PCP4: variants seen among roughly 807,000 people sequenced by gnomAD.
PCP4 encodes calmodulin regulator protein PCP4.
Under a neutral mutation model 10.0 loss-of-function variants are expected in PCP4, and 8 were observed. That is an observed-to-expected ratio of 0.80 (90% CI 0.47 to 1.45). PCP4 has a LOEUF of 1.45. Among genes scored for constraint, PCP4 ranks in the 40% most tolerant of loss-of-function variants. The pLI is 0.00. For missense variants in PCP4, 54 were observed against 74.4 expected (o/e 0.73, Z 1.01); for synonymous variants, 21 against 23.0 (o/e 0.91, Z 0.24).
intron 1 of PCP4, among the ~76,000 whole-genome samples, chr21:39,885,221 T>C (rs1018498738): frequency 6.6e-6 from 1 of 152,196 alleles, no homozygotes; most frequent in Non-Finnish European, 1.5e-5. Flanking sequence ...TCTGTCCTGC[T>C]CCTTCTCAAA....
chr21:39,880,158 C>CTATATCTA (rs1247097326), intron 1 of PCP4, among the ~76,000 whole-genome samples: 11 of 150,154 alleles, frequency 7.3e-5, no homozygotes. Flanking sequence ...ATATCTATAT[C>CTATATCTA]TATATCTATA....
intron 1 of PCP4, among the ~76,000 whole-genome samples, chr21:39,888,631 C>T (rs906944587): frequency 6.6e-6 from 1 of 152,222 alleles, no homozygotes; most frequent in Non-Finnish European, 1.5e-5. Context: ...CCCGCTGCCC[C>T]CGATGTCAAT....
intron 2 of PCP4, among the ~76,000 whole-genome samples, chr21:39,908,223 T>C (rs2087522338): frequency 6.6e-6 from 1 of 152,168 alleles, no homozygotes; most frequent in Non-Finnish European, 1.5e-5. Context: ...CAGATCTCTT[T>C]TTTAAGGATG....
chr21:39,885,372 G>C (rs970299407), intron 1 of PCP4, among the ~76,000 whole-genome samples: 2 of 152,328 alleles, frequency 1.3e-5, no homozygotes, highest in South Asian at 2.1e-4. Flanking sequence ...AGGCCCAGCG[G>C]AGCTCCCGGT....
intron 2 of PCP4, among the ~76,000 whole-genome samples, chr21:39,899,021 T>C (rs916343626): frequency 3.9e-5 from 6 of 152,184 alleles, no homozygotes; most frequent in African/African-American, 1.4e-4. Flanking sequence ...ATAAAAATGA[T>C]AGCAGTGACA....
chr21:39,867,746 T>C (rs2146321632), intron 1 of PCP4, among the ~76,000 whole-genome samples: 1 of 152,326 alleles, frequency 6.6e-6, no homozygotes, highest in East Asian at 1.9e-4. Context: ...TGCTTTCTGA[T>C]TGAATGGTGA....
chr21:39,929,315 C>A lies in PCP4; in HGVS notation c.*204C>A. The A allele has an allele frequency of 1.0e-5, 4 of 390,010 alleles. No homozygotes were observed. Among genetic ancestry groups the A allele is most frequent in the Non-Finnish European group, 1.8e-5 (4 of 221,152 alleles). 24.2% of individuals were successfully genotyped at this position (390,010 alleles called of 1,614,324 possible). A position where few individuals can be genotyped will look rare whatever the true frequency, so the allele number is the denominator to read the frequency against. ...AATGGAATTGTGAGTAGCTTAATCTCTATGTTTCTCTCCATTTTCATTCCT... is the reference window on the plus strand; with the variant it reads ...AATGGAATTGTGAGTAGCTTAATCTATATGTTTCTCTCCATTTTCATTCCT... On this transcript the variant is annotated 3_prime_UTR_variant, in exon 3 of 3. Coordinates refer to ENST00000328619, the MANE Select transcript of PCP4 (RefSeq NM_006198.3).
At chr21:39,914,161 A>C (rs934695938) in intron 2 of PCP4, among the ~76,000 whole-genome samples, 3 of 152,262 alleles carry the variant, frequency 2.0e-5, no homozygotes, top group African/African-American at 4.8e-5. Flanking sequence ...TTTTCAACCC[A>C]AGCTGCTCTT....
intron 1 of PCP4, among the ~76,000 whole-genome samples, chr21:39,886,273 A>G (rs2087400269): frequency 1.3e-5 from 2 of 152,082 alleles, no homozygotes; most frequent in South Asian, 4.1e-4. Context: ...ACCTTCTATG[A>G]TATTAATTTT....
At position 39,898,830 on chromosome 21, in the gene PCP4, C is replaced by T. The variant is rs796836224; in HGVS notation, c.61+303C>T. Among the ~76,000 whole-genome samples, 4 of 152,132 alleles carry T rather than the reference C, an allele frequency of 2.6e-5. No individual in the cohort carries two copies. The South Asian group carries it at 8.3e-4, about 32-fold the overall frequency. On this transcript the variant is annotated intron_variant, in intron 2 of 2. Transcript: ENST00000328619. Reference sequence around the variant, plus strand: ...CTTCATTAGGGTGGGTGAGAATCATCCAAGTTGTTGTGAGGATAAAATGAG... The same window carrying T: ...CTTCATTAGGGTGGGTGAGAATCATTCAAGTTGTTGTGAGGATAAAATGAG...
rs1259885286 is a variant in PCP4 at position 39,898,469 on chromosome 21, C to T, written c.10-7C>T. The T allele has an allele frequency of 1.9e-6, 3 of 1,612,418 alleles. No homozygotes were observed. The East Asian group carries it at 6.7e-5, about 36-fold the overall frequency. On this transcript the variant is annotated splice_polypyrimidine_tract_variant and splice_region_variant and intron_variant, in intron 1 of 2. Coordinates refer to ENST00000328619, the MANE Select transcript of PCP4 (RefSeq NM_006198.3). ...AATTGCTTTTTTCTTTTATTTTTTG[C>T]CTTTAGCGACAAGGTGCTGGGGCAA... is the stretch of plus-strand genomic sequence containing the variant.
intron 1 of PCP4, among the ~76,000 whole-genome samples, chr21:39,879,699 C>T (rs1262972507): frequency 6.6e-6 from 1 of 152,160 alleles, no homozygotes; most frequent in African/African-American, 2.4e-5. Context: ...AGAAGTGAGT[C>T]CAGTTAAAAA....
chr21:39,929,209 C>A lies in PCP4; in HGVS notation c.*98C>A. On this transcript the variant is annotated 3_prime_UTR_variant, in exon 3 of 3. Transcript: ENST00000328619. ...ACACCCTAGAGAGAAGTCATCCACA[C>A]ACAATCCACACACGCATAGCAAACC... is the stretch of plus-strand genomic sequence containing the variant. 8.6e-7 allele frequency: 1 copy of A among 1,167,362 alleles called. No homozygotes were observed. The highest frequency in any genetic ancestry group is 1.2e-6 in the Non-Finnish European group (1 of 821,796). The allele number at this position is 1,167,362 out of a possible 1,614,324, so 72.3% of individuals were successfully genotyped here.
At chr21:39,896,549 T>A (rs759818297) in intron 1 of PCP4, among the ~76,000 whole-genome samples, 1 of 152,262 alleles carries the variant, frequency 6.6e-6, no homozygotes, top group South Asian at 2.1e-4. Flanking sequence ...TTACCTGATT[T>A]AAATCATTTT....
intron 1 of PCP4, among the ~76,000 whole-genome samples, chr21:39,878,210 C>G (rs1222488277): frequency 6.6e-6 from 1 of 152,172 alleles, no homozygotes; most frequent in Non-Finnish European, 1.5e-5. Flanking sequence ...TGCCAGGATG[C>G]ATGGGTTAAT....
chr21:39,876,419 C>A (rs1472550358), intron 1 of PCP4, among the ~76,000 whole-genome samples: 3 of 152,144 alleles, frequency 2.0e-5, no homozygotes, highest in Admixed American at 2.0e-4. Flanking sequence ...CTTCAAGGTT[C>A]ATCTATGTTG....
chr21:39,869,393 A>G (rs1039840189), intron 1 of PCP4, among the ~76,000 whole-genome samples: 6 of 152,106 alleles, frequency 3.9e-5, no homozygotes, highest in Non-Finnish European at 8.8e-5. Context: ...CTCTGTAGTC[A>G]CCGCCCCGCC....
At chr21:39,904,127 C>A (rs1485060759) in intron 2 of PCP4, among the ~76,000 whole-genome samples, 1 of 152,116 alleles carries the variant, frequency 6.6e-6, no homozygotes, top group Non-Finnish European at 1.5e-5. Flanking sequence ...GAAGGACTTG[C>A]ATTTATAGGC....
intron 2 of PCP4, among the ~76,000 whole-genome samples, chr21:39,914,589 A>AG (rs1366824133): frequency 4.7e-5 from 7 of 148,962 alleles, no homozygotes; most frequent in Admixed American, 1.3e-4. Context: ...AAAAAAAAAG[A>AG]AAAAAAAAAG....
Sources: allele counts gnomAD v4.1 joint callset (sites outside exome capture counted in the v4.1 genomes callset), GRCh38; gene constraint gnomAD v4.1.1; transcripts MANE v1.5; gene names NCBI Gene and HGNC (gene_info 2026-07-23, HGNC 2026-07-21).